Variants in SRD5A3 observed in about 807,000 individuals in gnomAD.
The protein encoded by SRD5A3 is polyprenal reductase.
In SRD5A3, 24 loss-of-function variants were observed where a neutral mutation model predicts 34.3. The ratio of observed to expected loss-of-function variants is 0.70; its 90% CI spans 0.51 to 0.99. The LOEUF is 0.99. Ranked by LOEUF, SRD5A3 falls within the 50% of genes least tolerant of loss-of-function variation. The probability of loss-of-function intolerance (pLI) is 0.00; values close to 1 mark genes in which losing one functional copy is unlikely to be tolerated. For synonymous variants in SRD5A3, 161 were observed against 167.3 expected (o/e 0.96, Z 0.29); for missense variants, 350 against 388.2 (o/e 0.90, Z 0.83).
intron 2 of SRD5A3, among the ~76,000 whole-genome samples, chr4:55,363,375 A>C (rs1319375264): frequency 6.6e-6 from 1 of 152,202 alleles, no homozygotes; most frequent in Non-Finnish European, 1.5e-5. Context: ...TCAAAGCTGC[A>C]GTGAGGCCTG....
chr4:55,355,999 C>CCTTTTTTTTTT (rs1578204604), intron 1 of SRD5A3, among the ~76,000 whole-genome samples: 2 of 65,920 alleles, frequency 3.0e-5, no homozygotes, highest in African/African-American at 4.6e-5. Context: ...CTTTTGCCTC[C>CCTTTTTTTTTT]ATTTTTTTTT....
rs995966176 is a variant in SRD5A3, at chr4:55,370,428, G to T, written c.*337G>T. On this transcript the variant is annotated 3_prime_UTR_variant, in exon 5 of 5. Transcript: ENST00000264228. ...CCGAAAAACCGAAAATATACAAACAGCTTCACACACACACACACACACACA... is the reference window on the plus strand; with the variant it reads ...CCGAAAAACCGAAAATATACAAACATCTTCACACACACACACACACACACA... The T allele has an allele frequency of 4.0e-5, 12 of 296,808 alleles. No individual in the cohort carries two copies. The Admixed American group carries it at 4.9e-4, about 12-fold the overall frequency. The allele number at this position is 296,808 out of a possible 1,614,324, so 18.4% of individuals were successfully genotyped here. A position where few individuals can be genotyped will look rare whatever the true frequency, so the allele number is the denominator to read the frequency against.
chr4:55,359,041 T>A (rs1191215790), intron 1 of SRD5A3: 4 of 382,298 alleles, frequency 1.0e-5, no homozygotes, highest in Non-Finnish European at 2.0e-5. Context: ...GGAACTTGAG[T>A]CCAATTCTGT....
chr4:55,359,624 A>G (rs1719603245), intron 2 of SRD5A3, 136 bp downstream of exon 2: 8 of 1,175,260 alleles, frequency 6.8e-6, no homozygotes, highest in Non-Finnish European at 8.4e-6. Context: ...GATGAGGGCA[A>G]AAAAGAGCTT....
At chr4:55,357,098 C>T (rs1719494603) in intron 1 of SRD5A3, among the ~76,000 whole-genome samples, 1 of 152,198 alleles carries the variant, frequency 6.6e-6, no homozygotes, top group African/African-American at 2.4e-5. Flanking sequence ...AATGTTACTT[C>T]CAGAGAAGCC....
intron 3 of SRD5A3, among the ~76,000 whole-genome samples, chr4:55,365,829 G>A (rs1719874427): frequency 2.0e-5 from 3 of 152,132 alleles, no homozygotes; most frequent in Admixed American, 2.0e-4. Context: ...AACACATTGG[G>A]GCATTTGCCA....
At chr4:55,365,865 T>C (rs952047668) in intron 3 of SRD5A3, among the ~76,000 whole-genome samples, 3 of 152,210 alleles carry the variant, frequency 2.0e-5, no homozygotes, top group African/African-American at 7.2e-5. Flanking sequence ...AGAAATAACA[T>C]GGGCTCCAGA....
chr4:55,364,419 G>A (rs183375758), intron 3 of SRD5A3, 148 bp downstream of exon 3: 7 of 932,106 alleles, frequency 7.5e-6, no homozygotes, highest in Middle Eastern at 3.2e-4. Flanking sequence ...GACTCAAGTC[G>A]ATTTTAAAAG....
chr4:55,352,453 T>C (rs1005689095), intron 1 of SRD5A3: 2 of 706,590 alleles, frequency 2.8e-6, no homozygotes, highest in Non-Finnish European at 5.3e-6. Context: ...TCAGAAGGGC[T>C]GTAGCCTTCA....
intron 3 of SRD5A3, chr4:55,367,214 CA>C: frequency 3.5e-6 from 1 of 287,538 alleles, no homozygotes; most frequent in Non-Finnish European, 6.6e-6. Context: ...AAGGGAAACA[CA>C]AAGGAATCTT....
At chr4:55,367,844 C>A in intron 4 of SRD5A3, 122 bp downstream of exon 4, 1 of 1,289,664 alleles carries the variant, frequency 7.8e-7, no homozygotes, top group Non-Finnish European at 1.1e-6. Context: ...TGATTTTTGG[C>A]AAGACACTTC....
intron 1 of SRD5A3, among the ~76,000 whole-genome samples, chr4:55,353,718 G>A (rs1337825622): frequency 2.6e-5 from 4 of 151,762 alleles, no homozygotes; most frequent in Non-Finnish European, 1.5e-5. Flanking sequence ...CTCTGGAGGC[G>A]CCACCTTTAA....
intron 3 of SRD5A3, chr4:55,365,515 C>T (rs1164368957): frequency 6.6e-6 from 1 of 152,260 alleles, no homozygotes; most frequent in Non-Finnish European, 1.5e-5. Flanking sequence ...GGCTGTCATT[C>T]CTGGTGGGCA....
intron 2 of SRD5A3, among the ~76,000 whole-genome samples, chr4:55,360,076 A>T (rs6554274): frequency 6.6e-6 from 1 of 151,692 alleles, no homozygotes; most frequent in Non-Finnish European, 1.5e-5. Context: ...TTAGCTGGGC[A>T]TGGTGGCGGG....
At chr4:55,352,033 C>T (rs1404926495) in intron 1 of SRD5A3, 1 of 767,706 alleles carries the variant, frequency 1.3e-6, no homozygotes, top group Non-Finnish European at 2.4e-6. Flanking sequence ...ATCTTGGATC[C>T]TTGGTGATCC....
In SRD5A3 at chr4:55,346,508, G is replaced by C; in HGVS notation, c.172G>C (p.Gly58Arg). 6.2e-7 allele frequency: 1 copy of C among 1,600,200 alleles called. No individual in the cohort carries two copies. The highest frequency in any genetic ancestry group is 8.5e-7 in the Non-Finnish European group (1 of 1,174,378). ...DLIRYGKTKC[G>R]EPSRPAACRA... is the part of the protein sequence containing the mutation. Reference sequence around the variant, plus strand: ...GATCCGCTATGGGAAAACCAAGTGTGGGGAGCCGTCGCGCCCCGCCGCCTG... The same window carrying C: ...GATCCGCTATGGGAAAACCAAGTGTCGGGAGCCGTCGCGCCCCGCCGCCTG... The change falls in exon 1 of 5, where the codon GGG becomes CGG. Residue 58 changes from glycine (G) to arginine (R), a missense_variant. Transcript: ENST00000264228.
intron 1 of SRD5A3, among the ~76,000 whole-genome samples, chr4:55,353,512 A>G (rs1296459815): frequency 6.6e-6 from 1 of 152,216 alleles, no homozygotes; most frequent in African/African-American, 2.4e-5. Context: ...TGGCCACCCG[A>G]GCCAGCAGCG....
At position 55,358,029 on chromosome 4, in the gene SRD5A3, C is replaced by T. The variant is rs138269375; in HGVS notation, c.222-1317C>T. Reference sequence around the variant, plus strand: ...TCTGGATCATCTGGAGGAGCCCCTGCGATTATGTTTAATCCTCTTTTGGCT... The same window carrying T: ...TCTGGATCATCTGGAGGAGCCCCTGTGATTATGTTTAATCCTCTTTTGGCT... On this transcript the variant is annotated intron_variant, in intron 1 of 4. Coordinates refer to ENST00000264228, the MANE Select transcript of SRD5A3 (RefSeq NM_024592.5). Among the ~76,000 whole-genome samples, 298 of 152,200 alleles carry T rather than the reference C, an allele frequency of 2.0e-3. 2 individuals are homozygous for T. The highest frequency in any genetic ancestry group is 6.4e-3 in the African/African-American group (265 of 41,518).
chr4:55,367,110 C>G (rs1393461655), intron 3 of SRD5A3: 1 of 205,150 alleles, frequency 4.9e-6, no homozygotes, highest in Admixed American at 5.3e-5. Context: ...TTCAGGCTCT[C>G]CCTAGCAGGA....
Sources: gnomAD v4.1 joint callset for allele counts (sites outside exome capture counted in the v4.1 genomes callset) on GRCh38, gnomAD v4.1.1 for gene constraint, MANE v1.5 for transcripts, NCBI Gene and HGNC (gene_info 2026-07-23, HGNC 2026-07-21) for gene names.